The following RBAK variants were observed in gnomAD, a reference collection of about 807,000 sequenced individuals.
The protein encoded by RBAK is RB associated KRAB zinc finger, also known as RB-associated KRAB zinc finger protein.
In RBAK, 39 loss-of-function variants were observed where a neutral mutation model predicts 65.8. The ratio of observed to expected loss-of-function variants is 0.59; its 90% CI spans 0.46 to 0.77. The LOEUF (loss-of-function observed/expected upper bound fraction) is 0.77, where lower values mean the gene tolerates loss of function less well. Ranked by LOEUF, RBAK falls within the 30% of genes least tolerant of loss-of-function variation. The probability of loss-of-function intolerance (pLI) is 0.00; values close to 1 mark genes in which losing one functional copy is unlikely to be tolerated. For missense variants in RBAK, 884 were observed against 855.1 expected (o/e 1.03, Z -0.42); for synonymous variants, 343 against 289.7 (o/e 1.18, Z -1.87).
In RBAK at chr7:5,063,991, G is replaced by A. The variant is rs151113080; in HGVS notation, c.535G>A (p.Glu179Lys). The A allele has an allele frequency of 8.5e-4, 1,370 of 1,613,860 alleles. 10 individuals are homozygous for A. In the African/African-American group the frequency reaches 0.012, roughly 14 times the overall value. The change falls in exon 5 of 5, where the codon GAA becomes AAA. Residue 179 changes from glutamate to lysine, a missense_variant. By Grantham distance (56) the Glu-to-Lys change is moderately conservative (BLOSUM62 1). Coordinates refer to ENST00000396912, the MANE Select transcript of RBAK (RefSeq NM_021163.4). ...GKTYHGEKMC[E>K]FNQNGDTYSH... The stretch of plus-strand genomic sequence containing the variant: ...AACATATCATGGAGAGAAAATGTGT[G>A]AATTTAATCAAAATGGGGATACCTA...
At position 5,063,678 on chromosome 7, in the gene RBAK, C is replaced by G; in HGVS notation, c.239-17C>G. 1 of 1,550,626 alleles carries G rather than the reference C, an allele frequency of 6.4e-7. No individual in the cohort carries two copies. The highest frequency in any genetic ancestry group is 8.7e-7 in the Non-Finnish European group (1 of 1,151,016). ...TGTTCAGATTTACAAAGTTTGTTTA[C>G]TATTTTTCCTTTTTAGAAGCCTGGA... On this transcript the variant is annotated splice_polypyrimidine_tract_variant and intron_variant, in intron 4 of 4. Coordinates refer to ENST00000396912, the MANE Select transcript of RBAK (RefSeq NM_021163.4).
In RBAK at chr7:5,065,124, A is replaced by G; in HGVS notation, c.1668A>G (p.Glu556=). The change falls in exon 5 of 5, where the codon GAA becomes GAG. Residue 556 remains glutamate (E), a synonymous_variant. Transcript: ENST00000396912. This position sits in a 1 kb window ranked among gnomAD's most constrained non-coding sequence, Gnocchi z 5.3. ...KLFNELSYYT[E]HYRSHSEEKP... is the part of the protein sequence containing the mutation. ...TCAATGAGTTGTCATACTATACTGA[A>G]CATTATAGAAGTCATTCAGAAGAGA... 6.2e-7 allele frequency: 1 copy of G among 1,613,972 alleles called. No homozygotes were observed. Among genetic ancestry groups the G allele is most frequent in the Non-Finnish European group, 8.5e-7 (1 of 1,179,940 alleles).
intron 4 of RBAK, 142 bp from the exon 5 acceptor site, chr7:5,063,553 A>G: frequency 1.7e-6 from 1 of 603,736 alleles, no homozygotes; most frequent in East Asian, 2.9e-5. Context: ...AAAGAGAACT[A>G]TGCATTTGTA....
chr7:5,065,816 A>G lies in RBAK; in HGVS notation c.*215A>G, dbSNP rs935456487. On this transcript the variant is annotated 3_prime_UTR_variant, in exon 5 of 5. Coordinates refer to ENST00000396912, the MANE Select transcript of RBAK (RefSeq NM_021163.4). This position sits in a 1 kb window ranked among gnomAD's most constrained non-coding sequence, Gnocchi z 5.3. ...AAGATCATACGACTCATCGGACACTAATTTATATAGGAGTGAAGTTTTATA... is the reference window on the plus strand; with the variant it reads ...AAGATCATACGACTCATCGGACACTGATTTATATAGGAGTGAAGTTTTATA... 4 of 373,704 alleles carry G rather than the reference A, an allele frequency of 1.1e-5. No individual in the cohort carries two copies. The highest frequency in any genetic ancestry group is 6.3e-5 in the African/African-American group (3 of 47,944). The allele number at this position is 373,704 out of a possible 1,614,324, so 23.1% of individuals were successfully genotyped here. A position where few individuals can be genotyped will look rare whatever the true frequency, so the allele number is the denominator to read the frequency against.
chr7:5,051,110 T>C (rs1328644341), intron 2 of RBAK, among the ~76,000 whole-genome samples: 3 of 152,208 alleles, frequency 2.0e-5, no homozygotes, highest in Non-Finnish European at 4.4e-5. Flanking sequence ...AGTTGGTTTC[T>C]GAGTCCTTTT....
chr7:5,060,767 A>T (rs1779050048), intron 4 of RBAK, among the ~76,000 whole-genome samples: 1 of 152,264 alleles, frequency 6.6e-6, no homozygotes, highest in Non-Finnish European at 1.5e-5. Flanking sequence ...GAGTCCAAGT[A>T]GTGAAAAATC....
At chr7:5,061,835 T>C (rs994087854) in intron 4 of RBAK, among the ~76,000 whole-genome samples, 16 of 151,706 alleles carry the variant, frequency 1.1e-4, no homozygotes, top group African/African-American at 3.4e-4. Context: ...GAAGTGGAGG[T>C]TGCAGTGAGC....
At chr7:5,053,408 G>A (rs1044595758) in intron 2 of RBAK, among the ~76,000 whole-genome samples, 28 of 151,288 alleles carry the variant, frequency 1.9e-4, no homozygotes, top group African/African-American at 6.8e-4. Context: ...CCCTTATGTT[G>A]TAAACTTTTT....
At chr7:5,051,141 G>C (rs1476278292) in intron 2 of RBAK, among the ~76,000 whole-genome samples, 1 of 152,042 alleles carries the variant, frequency 6.6e-6, no homozygotes, top group Non-Finnish European at 1.5e-5. Flanking sequence ...TGATATATTT[G>C]ATAGCAAATC....
Position 5,068,997 on chromosome 7 carries a change from G to A in RBAK, c.*3396G>A, listed in dbSNP as rs4403324. On this transcript the variant is annotated 3_prime_UTR_variant, in exon 5 of 5. Coordinates refer to ENST00000396912, the MANE Select transcript of RBAK (RefSeq NM_021163.4). ...CTTGTATACGTGGTTTAAAATTAGG[G>A]TAGCAGTTAGCCTTGGCCAAGGCTG... 0.55 allele frequency: 83,132 copies of A among 152,042 alleles called. 23,384 individuals carry two copies. Among genetic ancestry groups the A allele is most frequent in the African/African-American group, 0.68 (28,131 of 41,446 alleles). The allele number at this position is 152,042 out of a possible 1,614,324, so 9.4% of individuals were successfully genotyped here.
Position 5,065,542 on chromosome 7 carries a change from A to G in RBAK, c.2086A>G (p.Ser696Gly). The change falls in exon 5 of 5, where the codon AGC becomes GGC. Residue 696 changes from serine to glycine, a missense_variant. Transcript: ENST00000396912. This position sits in a 1 kb window ranked among gnomAD's most constrained non-coding sequence, Gnocchi z 5.3. ...KKFHHRSAFN[S>G]HQRIHRRGNM... ...ATTCCACCACAGATCAGCCTTCAAT[A>G]GCCATCAGAGAATTCATAGAAGAGG... 6.3e-7 allele frequency: 1 copy of G among 1,577,414 alleles called. No homozygotes were observed. Among genetic ancestry groups the G allele is most frequent in the African/African-American group, 1.4e-5 (1 of 73,530 alleles).
At position 5,048,231 on chromosome 7, in the gene RBAK, G is replaced by C; in HGVS notation, c.15+140G>C. 1 of 1,207,512 alleles carries C rather than the reference G, an allele frequency of 8.3e-7. No homozygotes were observed. Among genetic ancestry groups the C allele is most frequent in the Non-Finnish European group, 1.1e-6 (1 of 885,300 alleles). The allele number at this position is 1,207,512 out of a possible 1,614,324, so 74.8% of individuals were successfully genotyped here. On this transcript the variant is annotated intron_variant, in intron 2 of 4. Transcript: ENST00000396912. This position sits in a 1 kb window ranked among gnomAD's most constrained non-coding sequence, Gnocchi z 4.4. ...TCTGTTGCCCAGGCTGGAGTGCAGT[G>C]GCATGATCTCGCTTCACTGCAACCT...
At position 5,046,175 on chromosome 7, in the gene RBAK, C is replaced by G. The variant is rs1040632162; in HGVS notation, c.-266C>G. On this transcript the variant is annotated 5_prime_UTR_variant, in exon 1 of 5. Transcript: ENST00000396912. ...CCCGTGTGTGTCCTGGCGGCCTGGCCCAGGCTGCCGCTGTACGGTGAGCCC... is the reference window on the plus strand; with the variant it reads ...CCCGTGTGTGTCCTGGCGGCCTGGCGCAGGCTGCCGCTGTACGGTGAGCCC... 4.5e-6 allele frequency: 2 copies of G among 445,222 alleles called. No homozygotes were observed. The highest frequency in any genetic ancestry group is 4.0e-5 in the African/African-American group (2 of 49,632). 27.6% of individuals were successfully genotyped at this position (445,222 alleles called of 1,614,324 possible).
intron 1 of RBAK, among the ~76,000 whole-genome samples, chr7:5,046,989 G>A (rs1175259375): frequency 3.9e-5 from 6 of 152,136 alleles, no homozygotes; most frequent in Non-Finnish European, 8.8e-5. Flanking sequence ...CAATAACCAA[G>A]TTCAGTTAGA....
intron 2 of RBAK, among the ~76,000 whole-genome samples, chr7:5,055,744 CT>C (rs1788214401): frequency 6.6e-6 from 1 of 151,290 alleles, no homozygotes; most frequent in Non-Finnish European, 1.5e-5. Context: ...CCCCTACTAC[CT>C]CCTTGCCTTC....
chr7:5,069,372 GAGA>G lies in RBAK; in HGVS notation c.*3774_*3776del, dbSNP rs1295902437. ...AATGTATATTTTAAGTGAAATATTT[GAGA>G]AGGTTAAAGAATCATTACATACTTT... On this transcript the variant is annotated 3_prime_UTR_variant, in exon 5 of 5. Transcript: ENST00000396912. The G allele has an allele frequency of 6.6e-6, 1 of 152,162 alleles. No individual in the cohort carries two copies. The highest frequency in any genetic ancestry group is 1.5e-5 in the Non-Finnish European group (1 of 68,042). 9.4% of individuals were successfully genotyped at this position (152,162 alleles called of 1,614,324 possible).
chr7:5,049,748 G>A (rs1222627841), intron 2 of RBAK, among the ~76,000 whole-genome samples: 1 of 151,838 alleles, frequency 6.6e-6, no homozygotes, highest in Admixed American at 6.6e-5. Flanking sequence ...TTTTGAGATA[G>A]GGTCTTGCTG....
intron 2 of RBAK, 158 bp from the exon 3 acceptor site, chr7:5,057,137 C>T: frequency 1.2e-6 from 1 of 820,154 alleles, no homozygotes; most frequent in East Asian, 3.8e-5. Flanking sequence ...ATTATAACCC[C>T]AAAGGATATG....
chr7:5,054,405 C>CAA (rs35087089), intron 2 of RBAK, among the ~76,000 whole-genome samples: 12 of 103,784 alleles, frequency 1.2e-4, no homozygotes, highest in African/African-American at 2.8e-4. Flanking sequence ...GACTTTGCCT[C>CAA]AAAAAAAAAA....
Sources: allele counts gnomAD v4.1 joint callset (sites outside exome capture counted in the v4.1 genomes callset), GRCh38; gene constraint gnomAD v4.1.1; non-coding constraint Gnocchi (gnomAD v3.1); transcripts MANE v1.5; gene names NCBI Gene and HGNC (gene_info 2026-07-23, HGNC 2026-07-21).